The following CACNA1C variants were observed in gnomAD, a reference collection of about 807,000 sequenced individuals.
CACNA1C encodes the protein voltage-dependent L-type calcium channel subunit alpha-1C.
CACNA1C carries 30 observed loss-of-function variants against 229.0 expected under a neutral mutation model. The ratio of observed to expected loss-of-function variants is 0.13; its 90% CI spans 0.10 to 0.18. The LOEUF (loss-of-function observed/expected upper bound fraction) is 0.18, where lower values mean the gene tolerates loss of function less well. CACNA1C is among the 10% of genes least tolerant of loss of function. The pLI, the probability that CACNA1C is intolerant of heterozygous loss-of-function variation, is 1.00. For synonymous variants in CACNA1C, 1,114 were observed against 1,132.5 expected (o/e 0.98, Z 0.33); for missense variants, 1,658 against 2,845.0 (o/e 0.58, Z 9.49).
At chr12:2,401,656 C>A (rs2098680358) in intron 3 of CACNA1C, among the ~76,000 whole-genome samples, 1 of 152,240 alleles carries the variant, frequency 6.6e-6, no homozygotes, top group Admixed American at 6.5e-5. Flanking sequence ...TGGCAAATTA[C>A]TTAACCTCCC....
chr12:2,267,527 A>G (rs1036425931), intron 3 of CACNA1C, among the ~76,000 whole-genome samples: 2 of 152,160 alleles, frequency 1.3e-5, no homozygotes, highest in Non-Finnish European at 2.9e-5. Flanking sequence ...ATGAAGATAC[A>G]TGGAATCCTA....
chr12:2,597,312 C>T lies in CACNA1C; in HGVS notation c.2853+23C>T. On this transcript the variant is annotated intron_variant, in intron 21 of 46. Transcript: ENST00000399655. This position sits in a 1 kb window ranked among gnomAD's most constrained non-coding sequence, Gnocchi z 4.3. ...AAGGTAAAGCCCCCATCCCCTTCTG[C>T]TCCTCCTGTCCCCCTTGTGCCAGCA... 6.3e-7 allele frequency: 1 copy of T among 1,579,924 alleles called. No homozygotes were observed. The highest frequency in any genetic ancestry group is 8.7e-7 in the Non-Finnish European group (1 of 1,149,004).
intron 16 of CACNA1C, among the ~76,000 whole-genome samples, chr12:2,584,969 C>T (rs1430359632): frequency 9.2e-5 from 14 of 152,162 alleles, no homozygotes. Flanking sequence ...CTCCTCACTA[C>T]TTTATAATTC....
In CACNA1C at chr12:2,344,351, ACT is replaced by A. The variant is rs1366984263; in HGVS notation, c.478-104622_478-104621del. Among the ~76,000 whole-genome samples the A allele has an allele frequency of 9.9e-5, 15 of 151,890 alleles. No individual in the cohort carries two copies. The East Asian group carries it at 1.2e-3, about 12-fold the overall frequency. On this transcript the variant is annotated intron_variant, in intron 3 of 46. Transcript: ENST00000399655. ...TCCTCCAGGTGTGTGAGCGTTTCAC[ACT>A]CTGCATTTTCACAGTATCTTTGTGA...
At chr12:2,118,297 C>T (rs1257438861) in intron 2 of CACNA1C, among the ~76,000 whole-genome samples, 3 of 152,008 alleles carry the variant, frequency 2.0e-5, no homozygotes, top group East Asian at 1.9e-4. Flanking sequence ...ATCCTTGTCC[C>T]GATGGGGAGA....
intron 1 of CACNA1C, among the ~76,000 whole-genome samples, chr12:2,007,995 G>C (rs2043765051): frequency 6.6e-6 from 1 of 152,084 alleles, no homozygotes. Context: ...AAAGAGAATT[G>C]TTATAGAAAA....
intron 38 of CACNA1C, among the ~76,000 whole-genome samples, chr12:2,671,938 G>C (rs933334301): frequency 6.6e-6 from 1 of 151,022 alleles, no homozygotes; most frequent in Non-Finnish European, 1.5e-5. Context: ...CCACCCAAGG[G>C]TGAGCCTTCA....
Position 2,605,793 on chromosome 12 carries a change from T to G in CACNA1C, c.3156+7T>G. On this transcript the variant is annotated splice_region_variant and intron_variant, in intron 24 of 46. Transcript: ENST00000399655. This position sits in a 1 kb window ranked among gnomAD's most constrained non-coding sequence, Gnocchi z 6.2. The stretch of plus-strand genomic sequence containing the variant: ...CGGGGTCCAGCTCTTCAAGGTAAAG[T>G]CTGGGCTCCGTTGTGGTCCTCCTAC... The G allele has an allele frequency of 6.3e-7, 1 of 1,591,842 alleles. No individual in the cohort carries two copies. Among genetic ancestry groups the G allele is most frequent in the Non-Finnish European group, 8.6e-7 (1 of 1,159,780 alleles).
chr12:2,020,714 C>T (rs1448856456), intron 1 of CACNA1C, among the ~76,000 whole-genome samples: 2 of 152,158 alleles, frequency 1.3e-5, no homozygotes, highest in Admixed American at 6.5e-5. Flanking sequence ...ATCATAGCTA[C>T]AGAATAGAAG....
chr12:2,534,377 A>T (rs1223193911), intron 9 of CACNA1C, among the ~76,000 whole-genome samples: 1 of 152,188 alleles, frequency 6.6e-6, no homozygotes, highest in Non-Finnish European at 1.5e-5. Context: ...GTGCTGAGTG[A>T]TAGTGATGTG....
At position 2,117,454 on chromosome 12, in the gene CACNA1C, G is replaced by A. The variant is rs534492274; in HGVS notation, c.371+1909G>A. On this transcript the variant is annotated intron_variant, in intron 2 of 46. Transcript: ENST00000399655. ...TAGGACTGCTTGCATATCTGCTCAC[G>A]GTGGAGTCAGGGAGTGGGAGAGCTG... Among the ~76,000 whole-genome samples, 42 of 152,318 alleles carry A rather than the reference G, an allele frequency of 2.8e-4. No individual in the cohort carries two copies. The South Asian group carries it at 7.7e-3, about 28-fold the overall frequency.
intron 10 of CACNA1C, chr12:2,550,759 G>T (rs1478911133): frequency 1.9e-5 from 19 of 1,007,198 alleles, no homozygotes; most frequent in Non-Finnish European, 2.4e-5. Flanking sequence ...GCCTGGGCAA[G>T]CGCAGCCCTT....
chr12:2,596,138 T>C lies in CACNA1C; in HGVS notation c.2793+135T>C, dbSNP rs2068056763. ...AATTAGATCCACAACTAACATTTCA[T>C]TAAGAGAGTAGGGCTTTGATAGAAA... On this transcript the variant is annotated intron_variant, in intron 20 of 46. Coordinates refer to ENST00000399655, the MANE Select transcript of CACNA1C (RefSeq NM_000719.7). 9.1e-6 allele frequency: 8 copies of C among 875,782 alleles called. No individual in the cohort carries two copies. In the South Asian group the frequency reaches 1.7e-4, roughly 19 times the overall value. 54.3% of individuals were successfully genotyped at this position (875,782 alleles called of 1,614,324 possible).
intron 1 of CACNA1C, among the ~76,000 whole-genome samples, chr12:2,045,587 C>T (rs1371089585): frequency 1.3e-5 from 2 of 152,202 alleles, no homozygotes; most frequent in African/African-American, 4.8e-5. Flanking sequence ...GCACCTTCGT[C>T]ACCACTCACT....
intron 9 of CACNA1C, among the ~76,000 whole-genome samples, chr12:2,539,956 G>A (rs1261926272): frequency 6.6e-6 from 1 of 152,010 alleles, no homozygotes; most frequent in Non-Finnish European, 1.5e-5. Context: ...ACCGGTAAAG[G>A]CTGGAGGAAC....
chr12:2,651,807 G>T lies in CACNA1C; in HGVS notation c.4074+39G>T, dbSNP rs1254922794. The T allele has an allele frequency of 1.3e-6, 2 of 1,518,984 alleles. No individual in the cohort carries two copies. The highest frequency in any genetic ancestry group is 1.8e-6 in the Non-Finnish European group (2 of 1,115,478). The allele number at this position is 1,518,984 out of a possible 1,614,324, so 94.1% of individuals were successfully genotyped here. On this transcript the variant is annotated intron_variant, in intron 32 of 46. Transcript: ENST00000399655. This position sits in a 1 kb window ranked among gnomAD's most constrained non-coding sequence, Gnocchi z 5.4. ...ATGTCCTGCGGCCCGGGGAATCGCA[G>T]GGCTGCCGCGTGGCCCAGAACACAG...
chr12:2,554,865 C>A (rs1169691929), intron 10 of CACNA1C, among the ~76,000 whole-genome samples: 1 of 152,214 alleles, frequency 6.6e-6, no homozygotes, highest in East Asian at 1.9e-4. Context: ...AGGAGTGGAG[C>A]CTGCCTGACA....
At chr12:2,596,085 C>T in intron 20 of CACNA1C, 82 bp downstream of exon 20, 1 of 1,337,890 alleles carries the variant, frequency 7.5e-7, no homozygotes, top group Non-Finnish European at 1.0e-6. Flanking sequence ...CATCATTGTT[C>T]AATCAGGAGC....
chr12:2,535,036 G>A (rs1205363277), intron 9 of CACNA1C, among the ~76,000 whole-genome samples: 1 of 152,188 alleles, frequency 6.6e-6, no homozygotes, highest in East Asian at 1.9e-4. Context: ...GTCTTTGCCT[G>A]TAGCAGTGAG....
Sources: gnomAD v4.1 joint callset for allele counts (sites outside exome capture counted in the v4.1 genomes callset) on GRCh38, gnomAD v4.1.1 for gene constraint, Gnocchi (gnomAD v3.1) non-coding constraint, MANE v1.5 for transcripts, NCBI Gene and HGNC (gene_info 2026-07-23, HGNC 2026-07-21) for gene names.